The following COLEC12 variants were observed in gnomAD, a reference collection of about 807,000 sequenced individuals.
The protein encoded by COLEC12 is collectin-12.
A neutral mutation model predicts 71.1 loss-of-function variants in COLEC12; 33 were observed. The observed-to-expected ratio is 0.46, with a 90% confidence interval of 0.35 to 0.62. COLEC12 has a LOEUF of 0.62. COLEC12 is among the 20% of genes least tolerant of loss of function. The pLI, the probability that COLEC12 is intolerant of heterozygous loss-of-function variation, is 0.00. For synonymous variants in COLEC12, 350 were observed against 353.0 expected, an observed-to-expected ratio of 0.99 and a Z score of 0.10; for missense variants, 765 against 916.1, an observed-to-expected ratio of 0.84 and a Z score of 2.13.
chr18:498,988 G>C (rs1415420222), intron 1 of COLEC12, among the ~76,000 whole-genome samples: 1 of 152,180 alleles, frequency 6.6e-6, no homozygotes, highest in African/African-American at 2.4e-5. Context: ...GGAGTGGGTA[G>C]GTGGTTAATC....
In COLEC12 at chr18:319,688, G is replaced by C; in HGVS notation, c.*357C>G. The C allele has an allele frequency of 3.5e-6, 1 of 288,348 alleles. No individual in the cohort carries two copies. Among genetic ancestry groups the C allele is most frequent in the Non-Finnish European group, 6.5e-6 (1 of 154,134 alleles). The allele number at this position is 288,348 out of a possible 1,614,324, so 17.9% of individuals were successfully genotyped here. A position where few individuals can be genotyped will look rare whatever the true frequency, so the allele number is the denominator to read the frequency against. ...AGAAATGTATGGCACTGTTTACACA[G>C]TATATGCTTAAGTTCTTCCCATAAC... is the stretch of plus-strand genomic sequence containing the variant. On this transcript the variant is annotated 3_prime_UTR_variant, in exon 10 of 10. Coordinates refer to ENST00000400256, the MANE Select transcript of COLEC12 (RefSeq NM_130386.3).
At chr18:385,401 T>C (rs1048801009) in intron 2 of COLEC12, among the ~76,000 whole-genome samples, 2 of 147,134 alleles carry the variant, frequency 1.4e-5, no homozygotes, top group Admixed American at 1.4e-4. Flanking sequence ...CTCGGCTCAC[T>C]GCAACCTCCA....
At chr18:376,379 T>C (rs990859087) in intron 2 of COLEC12, among the ~76,000 whole-genome samples, 8 of 152,196 alleles carry the variant, frequency 5.3e-5, no homozygotes, top group African/African-American at 1.9e-4. Flanking sequence ...TTGGAGACAT[T>C]TACTTTAAAC....
intron 5 of COLEC12, among the ~76,000 whole-genome samples, chr18:335,951 T>A (rs560055053): frequency 6.6e-6 from 1 of 152,348 alleles, no homozygotes; most frequent in East Asian, 1.9e-4. Context: ...CACCTGGGCC[T>A]GTGTTGTCAT....
intron 2 of COLEC12, among the ~76,000 whole-genome samples, chr18:465,414 A>C (rs1917066763): frequency 6.6e-6 from 1 of 152,148 alleles, no homozygotes; most frequent in Non-Finnish European, 1.5e-5. Flanking sequence ...AATTATTATG[A>C]AAAGTTTGTG....
intron 1 of COLEC12, among the ~76,000 whole-genome samples, chr18:481,867 A>G (rs1388809805): frequency 6.6e-6 from 1 of 152,210 alleles, no homozygotes; most frequent in Non-Finnish European, 1.5e-5. Context: ...AGCACTGTGC[A>G]GACACAATTT....
intron 2 of COLEC12, among the ~76,000 whole-genome samples, chr18:425,641 G>A (rs939599664): frequency 6.6e-6 from 1 of 152,140 alleles, no homozygotes; most frequent in African/African-American, 2.4e-5. Context: ...AAGACACACA[G>A]CCCCCACGGT....
intron 2 of COLEC12, among the ~76,000 whole-genome samples, chr18:442,481 G>T (rs935770892): frequency 6.6e-6 from 1 of 152,206 alleles, no homozygotes; most frequent in African/African-American, 2.4e-5. Context: ...AGTAAGGAAG[G>T]TTCAGCTGTT....
chr18:403,993 G>A, intron 2 of COLEC12, among the ~76,000 whole-genome samples: 1 of 152,078 alleles, frequency 6.6e-6, no homozygotes, highest in East Asian at 1.9e-4. Context: ...CTGGTTGGTT[G>A]GGTTATTTAT....
intron 3 of COLEC12, among the ~76,000 whole-genome samples, chr18:351,401 A>C (rs186073141): frequency 6.6e-6 from 1 of 152,184 alleles, no homozygotes; most frequent in Admixed American, 6.5e-5. Context: ...TCCCCTGGCA[A>C]GTAGTCCTTT....
intron 8 of COLEC12, 64 bp from the exon 9 acceptor site, chr18:321,871 A>G: frequency 6.7e-7 from 1 of 1,498,686 alleles, no homozygotes; most frequent in Non-Finnish European, 9.1e-7. Context: ...TTTACTCAAG[A>G]GCAGCAGAGA....
intron 5 of COLEC12, among the ~76,000 whole-genome samples, chr18:345,646 A>G (rs528956487): frequency 1.3e-5 from 2 of 152,352 alleles, no homozygotes; most frequent in African/African-American, 4.8e-5. Flanking sequence ...TTGTGACCCA[A>G]AAGACTTGAT....
chr18:410,689 T>C (rs1353705250), intron 2 of COLEC12, among the ~76,000 whole-genome samples: 2 of 151,970 alleles, frequency 1.3e-5, no homozygotes, highest in Non-Finnish European at 2.9e-5. Context: ...CCTCCCAAAG[T>C]GCTGGGATTA....
intron 1 of COLEC12, among the ~76,000 whole-genome samples, chr18:486,684 G>A (rs1567923098): frequency 2.0e-5 from 3 of 152,186 alleles, no homozygotes; most frequent in Non-Finnish European, 2.9e-5. Flanking sequence ...AGCCGGGAAA[G>A]CTAAGAGGCA....
intron 2 of COLEC12, among the ~76,000 whole-genome samples, chr18:417,106 C>T (rs1290317801): frequency 7.6e-6 from 1 of 131,374 alleles, no homozygotes; most frequent in Non-Finnish European, 1.7e-5. Context: ...CTGAGAAATG[C>T]ATGGTTAAGT....
At chr18:329,111 C>A (rs1913911933) in intron 8 of COLEC12, among the ~76,000 whole-genome samples, 1 of 152,160 alleles carries the variant, frequency 6.6e-6, no homozygotes, top group South Asian at 2.1e-4. Flanking sequence ...CTGGTGACGT[C>A]ATTCTTCTCA....
intron 2 of COLEC12, among the ~76,000 whole-genome samples, chr18:403,789 C>T (rs1016472524): frequency 6.6e-6 from 1 of 151,212 alleles, no homozygotes; most frequent in East Asian, 1.9e-4. Flanking sequence ...ATCTCCATAG[C>T]CAATTTTGCC....
intron 3 of COLEC12, among the ~76,000 whole-genome samples, chr18:352,662 G>A (rs1221323423): frequency 6.6e-6 from 1 of 152,192 alleles, no homozygotes; most frequent in Admixed American, 6.5e-5. Context: ...GGAAATGTTA[G>A]GATTGCAATG....
rs184729805 is a variant in COLEC12, at chr18:318,132, G to T, written c.*1913C>A. Reference sequence around the variant, plus strand: ...GCTGGGACTACAGGCGCCCGCCACCGCGCCCGGCTAATTTTTTTTTTGTAT... The same window carrying T: ...GCTGGGACTACAGGCGCCCGCCACCTCGCCCGGCTAATTTTTTTTTTGTAT... On this transcript the variant is annotated 3_prime_UTR_variant, in exon 10 of 10. Coordinates refer to ENST00000400256, the MANE Select transcript of COLEC12 (RefSeq NM_130386.3). 3.1e-5 allele frequency: 4 copies of T among 130,772 alleles called. No homozygotes were observed. Among genetic ancestry groups the T allele is most frequent in the Admixed American group, 7.7e-5 (1 of 12,972 alleles). The allele number at this position is 130,772 out of a possible 1,614,324, so 8.1% of individuals were successfully genotyped here. A position where few individuals can be genotyped will look rare whatever the true frequency, so the allele number is the denominator to read the frequency against.
Sources: gnomAD v4.1 joint callset for allele counts (sites outside exome capture counted in the v4.1 genomes callset) on GRCh38, gnomAD v4.1.1 for gene constraint, MANE v1.5 for transcripts, NCBI Gene and HGNC (gene_info 2026-07-23, HGNC 2026-07-21) for gene names.